TRPV1: variants seen among roughly 807,000 people sequenced by gnomAD.
TRPV1 encodes the protein transient receptor potential cation channel subfamily V member 1.
Under a neutral mutation model 82.3 loss-of-function variants are expected in TRPV1, and 82 were observed. That is an observed-to-expected ratio of 1.00 (90% CI 0.83 to 1.20). The LOEUF (loss-of-function observed/expected upper bound fraction) is 1.20, where lower values mean the gene tolerates loss of function less well. TRPV1 is among the 50% of genes most tolerant of loss of function. TRPV1 has a pLI of 0.00. For missense variants in TRPV1, 1,067 were observed against 1,096.8 expected (o/e 0.97, Z 0.38); for synonymous variants, 515 against 467.7 (o/e 1.10, Z -1.30).
At position 3,591,351 on chromosome 17, in the gene TRPV1, A is replaced by C. The variant is rs1361039102; in HGVS notation, c.287T>G (p.Leu96Arg). The C allele has an allele frequency of 6.4e-7, 1 of 1,571,646 alleles. No homozygotes were observed. Among genetic ancestry groups the C allele is most frequent in the Non-Finnish European group, 8.6e-7 (1 of 1,160,986 alleles). Residue 96 changes from leucine to arginine, a missense_variant and splice_region_variant, in exon 4 of 17, where the codon CTG becomes CGG. Leu to Arg is a moderately radical substitution (Grantham distance 102, BLOSUM62 -2). Coordinates refer to ENST00000572705, the MANE Select transcript of TRPV1 (RefSeq NM_080704.4). The stretch of plus-strand genomic sequence containing the variant: ...GGCGGCGACAGAGTCCTGGGACAGC[A>C]GCCTGTGGGCCAGAAAACACGCTCG... ...RPGDGPTGAR[L>R]LSQDSVAAST...
intron 3 of TRPV1, 122 bp from the exon 4 acceptor site, chr17:3,591,475 A>T: frequency 3.4e-6 from 4 of 1,163,610 alleles, no homozygotes; most frequent in Non-Finnish European, 3.6e-6. Context: ...AAAATGATAT[A>T]AAAGCTGCCC....
intron 9 of TRPV1, among the ~76,000 whole-genome samples, chr17:3,583,840 T>C (rs1179409148): frequency 6.6e-6 from 1 of 152,210 alleles, no homozygotes; most frequent in Non-Finnish European, 1.5e-5. Flanking sequence ...CCACTGACCA[T>C]GGAGGGAGAG....
intron 2 of TRPV1, among the ~76,000 whole-genome samples, chr17:3,594,631 T>C (rs946476830): frequency 1.3e-5 from 2 of 152,218 alleles, no homozygotes; most frequent in Non-Finnish European, 2.9e-5. Flanking sequence ...GTGGACCCCC[T>C]GCAGCAGGAG....
chr17:3,580,369 G>T, intron 11 of TRPV1, 88 bp downstream of exon 11: 1 of 1,366,962 alleles, frequency 7.3e-7, no homozygotes, highest in Non-Finnish European at 1.0e-6. Flanking sequence ...CCCACTATGT[G>T]CCAGGCCCGG....
intron 2 of TRPV1, among the ~76,000 whole-genome samples, chr17:3,594,716 TC>T (rs1460321395): frequency 6.6e-6 from 1 of 152,106 alleles, no homozygotes; most frequent in Non-Finnish European, 1.5e-5. Context: ...CTCCTCAGAG[TC>T]CAGCCCTGCG....
chr17:3,571,244 TGGGGCGCTGA>T (rs1261743242), intron 16 of TRPV1, among the ~76,000 whole-genome samples: 1 of 152,090 alleles, frequency 6.6e-6, no homozygotes, highest in Admixed American at 6.5e-5. Flanking sequence ...CTGCGTCCCC[TGGGGCGCTGA>T]GGACAGGTGC....
At chr17:3,583,298 G>A (rs201915408) in intron 10 of TRPV1, 40 bp downstream of exon 10, 2 of 1,528,430 alleles carry the variant, frequency 1.3e-6, no homozygotes, top group South Asian at 2.4e-5. Context: ...TTTTTGTTTT[G>A]GTGATAATGG....
At chr17:3,586,001 C>T (rs1260665157) in intron 8 of TRPV1, 75 bp from the exon 9 acceptor site, 3 of 1,566,492 alleles carry the variant, frequency 1.9e-6, no homozygotes, top group East Asian at 2.3e-5. Context: ...GCCCGTGGTG[C>T]CCCTCACAGC....
At chr17:3,584,378 G>A (rs1390623491) in intron 9 of TRPV1, among the ~76,000 whole-genome samples, 3 of 132,142 alleles carry the variant, frequency 2.3e-5, no homozygotes, top group Admixed American at 8.9e-5. Context: ...ACTCCAGCCT[G>A]GAAAACAGAG....
chr17:3,601,030 C>A (rs779680559), intron 2 of TRPV1, among the ~76,000 whole-genome samples: 13 of 152,082 alleles, frequency 8.5e-5, no homozygotes, highest in Non-Finnish European at 1.9e-4. Context: ...CCCCCTCCCC[C>A]CAGCATAACC....
chr17:3,573,532 G>GCCCTCCCC lies in TRPV1; in HGVS notation c.2103+100_2103+101insGGGGAGGG. 2 of 257,076 alleles carry GCCCTCCCC rather than the reference G, an allele frequency of 7.8e-6. 1 individual carries two copies. The allele number at this position is 257,076 out of a possible 1,614,324, so 15.9% of individuals were successfully genotyped here. On this transcript the variant is annotated intron_variant, in intron 14 of 16. Coordinates refer to ENST00000572705, the MANE Select transcript of TRPV1 (RefSeq NM_080704.4). ...GCCCATACCCTCCTGGCCACACACC[G>GCCCTCCCC]CCCCCACCACCCACCCACCTGCAGC...
intron 11 of TRPV1, among the ~76,000 whole-genome samples, chr17:3,579,940 G>A (rs1051467002): frequency 1.9e-5 from 2 of 107,500 alleles, no homozygotes; most frequent in African/African-American, 5.1e-5. Flanking sequence ...GGAAGCTCCA[G>A]GCGACTGGGG....
At chr17:3,583,113 C>G (rs1303155941) in intron 10 of TRPV1, among the ~76,000 whole-genome samples, 2 of 152,260 alleles carry the variant, frequency 1.3e-5, no homozygotes, top group East Asian at 3.9e-4. Flanking sequence ...GCTGGAGTGT[C>G]TACTTTCAAG....
intron 8 of TRPV1, among the ~76,000 whole-genome samples, chr17:3,586,302 G>T (rs1466505651): frequency 2.0e-5 from 3 of 152,204 alleles, no homozygotes; most frequent in Non-Finnish European, 4.4e-5. Context: ...AGGGGCTCAG[G>T]GCAGGCAGGA....
At chr17:3,602,372 G>C (rs2075269856) in intron 2 of TRPV1, 1 of 152,224 alleles carries the variant, frequency 6.6e-6, no homozygotes, top group African/African-American at 2.4e-5. Context: ...GGCTTTATCT[G>C]AACAGCACCT....
intron 10 of TRPV1, 69 bp from the exon 11 acceptor site, chr17:3,580,596 G>C: frequency 6.5e-7 from 1 of 1,528,454 alleles, no homozygotes; most frequent in Non-Finnish European, 9.1e-7. Flanking sequence ...GCACTCAGAT[G>C]CTTCCTAAAT....
At chr17:3,601,590 G>C (rs1356500033) in intron 2 of TRPV1, among the ~76,000 whole-genome samples, 1 of 151,746 alleles carries the variant, frequency 6.6e-6, no homozygotes, top group Non-Finnish European at 1.5e-5. Context: ...CCAGCATAAA[G>C]AGCTCATTTC....
intron 2 of TRPV1, among the ~76,000 whole-genome samples, chr17:3,599,851 C>T (rs2075248945): frequency 6.6e-6 from 1 of 152,082 alleles, no homozygotes; most frequent in African/African-American, 2.4e-5. Context: ...GATCTCCTGA[C>T]CTTGTGATTC....
chr17:3,592,319 G>A lies in TRPV1; in HGVS notation c.32C>T (p.Ala11Val). ...GTCCTTTTGGAGTGGGTCCGCAGCT[G>A]CCCCCAAGTCTGTGCTGCTCCATTT... MKKWSSTDLG[A>V]AADPLQKDTC... is the part of the protein sequence containing the mutation. Residue 11 changes from alanine to valine, a missense_variant, in exon 3 of 17, where the codon GCA becomes GTA. Coordinates refer to ENST00000572705, the MANE Select transcript of TRPV1 (RefSeq NM_080704.4). 1 of 1,597,898 alleles carries A rather than the reference G, an allele frequency of 6.3e-7. No individual in the cohort carries two copies. The highest frequency in any genetic ancestry group is 1.7e-5 in the Admixed American group (1 of 57,268).
Sources: gnomAD v4.1 joint callset for allele counts (sites outside exome capture counted in the v4.1 genomes callset) on GRCh38, gnomAD v4.1.1 for gene constraint, MANE v1.5 for transcripts, NCBI Gene and HGNC (gene_info 2026-07-23, HGNC 2026-07-21) for gene names.